RUNX1T1: variants seen among roughly 807,000 people sequenced by gnomAD.
RUNX1T1 encodes the protein RUNX1 partner transcriptional co-repressor 1.
In RUNX1T1, 4 loss-of-function variants were observed where a neutral mutation model predicts 62.8. The observed-to-expected ratio is 0.06, with a 90% CI of 0.03 to 0.15. RUNX1T1 has a LOEUF of 0.15. Ranked by LOEUF, RUNX1T1 falls within the 10% of genes least tolerant of loss-of-function variation. The pLI is 1.00. For synonymous variants in RUNX1T1, 291 were observed against 286.0 expected, an observed-to-expected ratio of 1.02 and a Z score of -0.18; for missense variants, 508 against 754.3, an observed-to-expected ratio of 0.67 and a Z score of 3.82.
intron 1 of RUNX1T1, among the ~76,000 whole-genome samples, chr8:92,039,733 C>A (rs1190877710): frequency 1.3e-5 from 2 of 152,156 alleles, no homozygotes; most frequent in African/African-American, 4.8e-5. Flanking sequence ...TGATGGCAAC[C>A]AATTGCTCAT....
chr8:91,956,118 C>T (rs74778638), downstream of RUNX1T1: 26,340 of 229,972 alleles, frequency 0.11, 1,991 homozygotes, highest in African/African-American at 0.23. Flanking sequence ...GCACGAACCT[C>T]TCTGAGCAGA....
At chr8:91,986,833 A>T in intron 7 of RUNX1T1, 54 bp downstream of exon 8, 1 of 1,106,292 alleles carries the variant, frequency 9.0e-7, no homozygotes, top group Non-Finnish European at 1.4e-6. Flanking sequence ...ACATAACCTC[A>T]CTCCAGTTGT....
intron 2 of RUNX1T1, among the ~76,000 whole-genome samples, chr8:92,015,048 C>T (rs1429773471): frequency 6.6e-6 from 1 of 152,154 alleles, no homozygotes; most frequent in Non-Finnish European, 1.5e-5. Context: ...CAGAGGCTGA[C>T]AATAAATGGA....
chr8:92,032,894 C>A (rs939020200), intron 1 of RUNX1T1, among the ~76,000 whole-genome samples: 1 of 152,042 alleles, frequency 6.6e-6, no homozygotes, highest in African/African-American at 2.4e-5. Context: ...TGACCCATAA[C>A]CCTATAAGGG....
chr8:92,094,831 AAG>A (rs1235099962), intron 1 of RUNX1T1, among the ~76,000 whole-genome samples: 3 of 152,218 alleles, frequency 2.0e-5, no homozygotes, highest in East Asian at 3.9e-4. Context: ...CTTCCACCAA[AAG>A]AGAGACAGTC....
chr8:92,081,068 C>T (rs1163847041), intron 1 of RUNX1T1, among the ~76,000 whole-genome samples: 1 of 152,186 alleles, frequency 6.6e-6, no homozygotes, highest in African/African-American at 2.4e-5. Context: ...ACTGTATACG[C>T]ACTCTGGCTG....
At chr8:91,956,011 C>CAGAT (rs973087893), downstream of RUNX1T1, 2 of 230,242 alleles carry the variant, frequency 8.7e-6, no homozygotes, top group Non-Finnish European at 1.7e-5. Flanking sequence ...GGGGACAAGG[C>CAGAT]AGATAGAGCA....
At chr8:92,026,735 T>A (rs1196830173) in intron 1 of RUNX1T1, among the ~76,000 whole-genome samples, 1 of 151,688 alleles carries the variant, frequency 6.6e-6, no homozygotes, top group Non-Finnish European at 1.5e-5. Flanking sequence ...GGCAGGAGAA[T>A]GGCGTAAACC....
chr8:92,033,015 CAATT>C (rs1197748541), intron 1 of RUNX1T1, among the ~76,000 whole-genome samples: 2 of 151,992 alleles, frequency 1.3e-5, no homozygotes, highest in Non-Finnish European at 1.5e-5. Context: ...ATTGGCACTT[CAATT>C]AATATACTTT....
exon 2 of RUNX1T1, chr8:92,075,973 T>A: frequency 6.2e-7 from 1 of 1,611,046 alleles, no homozygotes; most frequent in Non-Finnish European, 8.5e-7. Context: ...ACCTTGACAA[T>A]ATTCAAAGTT....
chr8:91,975,005 A>G (rs1253317844), intron 9 of RUNX1T1, among the ~76,000 whole-genome samples: 1 of 152,228 alleles, frequency 6.6e-6, no homozygotes, highest in Non-Finnish European at 1.5e-5. Context: ...TGACTCTTCA[A>G]TTTGCACTGT....
chr8:91,960,170 G>C, exon 11 of RUNX1T1: 2 of 1,472,420 alleles, frequency 1.4e-6, no homozygotes, highest in Non-Finnish European at 1.8e-6. Flanking sequence ...AAACAACTTT[G>C]AGCATCTGAG....
At chr8:91,970,572 T>A in intron 10 of RUNX1T1, 86 bp downstream of exon 11, 1 of 1,248,680 alleles carries the variant, frequency 8.0e-7, no homozygotes, top group Non-Finnish European at 1.1e-6. Flanking sequence ...CAAATATTTA[T>A]CTAAAGTGAT....
chr8:92,047,198 G>A (rs896049058), intron 1 of RUNX1T1, among the ~76,000 whole-genome samples: 7 of 151,882 alleles, frequency 4.6e-5, no homozygotes, highest in African/African-American at 9.7e-5. Context: ...ACCTGGCCAC[G>A]TTGTCTTTCT....
intron 5 of RUNX1T1, chr8:91,994,684 G>C (rs1398131766): frequency 1.1e-5 from 5 of 470,330 alleles, no homozygotes; most frequent in Non-Finnish European, 2.1e-5. Flanking sequence ...CTGAGGTGCT[G>C]AAGGTAGGCA....
chr8:92,102,535 C>G (rs1463031146), upstream of RUNX1T1, among the ~76,000 whole-genome samples: 1 of 152,044 alleles, frequency 6.6e-6, no homozygotes, highest in Non-Finnish European at 1.5e-5. This position sits in a 1 kb window ranked among gnomAD's most constrained non-coding sequence, Gnocchi z 4.5. Context: ...GAGAAACCCA[C>G]TCGTCATCTT....
At chr8:92,086,981 A>T (rs1836231181) in intron 1 of RUNX1T1, among the ~76,000 whole-genome samples, 1 of 152,202 alleles carries the variant, frequency 6.6e-6, no homozygotes. Context: ...CTGTTATTGG[A>T]TGCAGGGTTT....
intron 8 of RUNX1T1, among the ~76,000 whole-genome samples, chr8:91,983,287 C>T (rs1423180654): frequency 6.6e-6 from 1 of 151,896 alleles, no homozygotes; most frequent in Non-Finnish European, 1.5e-5. Context: ...TTTTACTAAC[C>T]CCCTATACTC....
exon 11 of RUNX1T1, chr8:91,960,106 T>C: frequency 1.1e-6 from 1 of 906,636 alleles, no homozygotes; most frequent in South Asian, 1.7e-5. Flanking sequence ...TTAGGTTCTC[T>C]CTTGCTGAAG....
Sources: gnomAD v4.1 joint callset for allele counts (sites outside exome capture counted in the v4.1 genomes callset) on GRCh38, gnomAD v4.1.1 for gene constraint, Gnocchi (gnomAD v3.1) non-coding constraint, MANE v1.5 for transcripts, NCBI Gene and HGNC (gene_info 2026-07-23, HGNC 2026-07-21) for gene names.